Variants in CCDC178 observed in about 807,000 individuals in gnomAD.
CCDC178 encodes coiled-coil domain-containing protein 178.
In CCDC178, 126 loss-of-function variants were observed where a neutral mutation model predicts 117.4. The ratio of observed to expected loss-of-function variants is 1.07; its 90% CI spans 0.93 to 1.24. The LOEUF (loss-of-function observed/expected upper bound fraction) is 1.24. CCDC178 is among the 50% of genes most tolerant of loss of function. The pLI is 0.00. For synonymous variants in CCDC178, 283 were observed against 313.4 expected, an observed-to-expected ratio of 0.90 and a Z score of 1.02; for missense variants, 1,030 against 986.9, an observed-to-expected ratio of 1.04 and a Z score of -0.59.
intron 20 of CCDC178, among the ~76,000 whole-genome samples, chr18:33,118,472 C>T (rs2057889711): frequency 6.6e-6 from 1 of 151,940 alleles, no homozygotes; most frequent in East Asian, 1.9e-4. Flanking sequence ...TCTGCTGATC[C>T]AGAGGCCCAA....
intron 20 of CCDC178, among the ~76,000 whole-genome samples, chr18:33,159,519 T>C (rs1462803071): frequency 6.6e-6 from 1 of 152,146 alleles, no homozygotes; most frequent in East Asian, 1.9e-4. Context: ...TCTTGGCTAG[T>C]AGCCCCAAAT....
chr18:33,434,310 AATTT>A (rs2064260669), intron 2 of CCDC178, among the ~76,000 whole-genome samples: 1 of 152,180 alleles, frequency 6.6e-6, no homozygotes. Flanking sequence ...CAGCATTGGG[AATTT>A]ATTACAAAGA....
chr18:33,273,228 G>A (rs1366420563), intron 12 of CCDC178, among the ~76,000 whole-genome samples: 1 of 151,298 alleles, frequency 6.6e-6, no homozygotes, highest in Non-Finnish European at 1.5e-5. Context: ...ACAAACATTG[G>A]TGGTATTTCT....
At chr18:33,225,992 T>C (rs2059298887) in intron 16 of CCDC178, among the ~76,000 whole-genome samples, 1 of 151,986 alleles carries the variant, frequency 6.6e-6, no homozygotes, top group Non-Finnish European at 1.5e-5. Context: ...AGAAACCCTG[T>C]CTCTACTAAA....
chr18:33,261,114 C>T (rs1291871104), intron 14 of CCDC178, among the ~76,000 whole-genome samples: 1 of 151,330 alleles, frequency 6.6e-6, no homozygotes, highest in African/African-American at 2.4e-5. Context: ...GACACAGTCT[C>T]GCTCTGTCGC....
At chr18:33,123,520 A>T (rs931611467) in intron 20 of CCDC178, among the ~76,000 whole-genome samples, 2 of 152,130 alleles carry the variant, frequency 1.3e-5, no homozygotes, top group Non-Finnish European at 2.9e-5. Context: ...AATAACAGAA[A>T]AGAAATTAAA....
At chr18:33,110,173 C>T (rs1245637288) in intron 20 of CCDC178, among the ~76,000 whole-genome samples, 1 of 151,534 alleles carries the variant, frequency 6.6e-6, no homozygotes, top group East Asian at 1.9e-4. Flanking sequence ...ATTTCATATG[C>T]TTATCGGACA....
intron 21 of CCDC178, among the ~76,000 whole-genome samples, chr18:33,009,937 C>T (rs1018508378): frequency 3.3e-5 from 5 of 152,140 alleles, no homozygotes; most frequent in Admixed American, 6.6e-5. Context: ...AGTAATCTCT[C>T]TGAGACTCCA....
chr18:33,348,833 T>C (rs1384487868), intron 8 of CCDC178, 57 bp downstream of exon 8: 2 of 1,026,920 alleles, frequency 1.9e-6, no homozygotes, highest in East Asian at 2.4e-5. Flanking sequence ...ATATATTAAA[T>C]GAAGTCAATG....
At chr18:32,983,657 T>C (rs915537277) in intron 21 of CCDC178, among the ~76,000 whole-genome samples, 2 of 152,246 alleles carry the variant, frequency 1.3e-5, no homozygotes, top group South Asian at 4.1e-4. Flanking sequence ...ATAGCACAAA[T>C]ACATTCATTT....
At chr18:33,426,709 T>C (rs1220492044) in intron 2 of CCDC178, among the ~76,000 whole-genome samples, 1 of 152,228 alleles carries the variant, frequency 6.6e-6, no homozygotes, top group Non-Finnish European at 1.5e-5. Context: ...CAGTATCATA[T>C]TGCACTTACA....
At chr18:33,043,721 C>A (rs1190654378) in intron 21 of CCDC178, among the ~76,000 whole-genome samples, 2 of 151,866 alleles carry the variant, frequency 1.3e-5, no homozygotes, top group Admixed American at 1.3e-4. Flanking sequence ...GAGTTGTAAC[C>A]ATATTCATGG....
intron 9 of CCDC178, 39 bp downstream of exon 9, chr18:33,346,172 C>A (rs1264439242): frequency 6.9e-7 from 1 of 1,443,936 alleles, no homozygotes; most frequent in Non-Finnish European, 9.6e-7. Context: ...TCTGTGCCCC[C>A]AACAGAATAA....
intron 21 of CCDC178, among the ~76,000 whole-genome samples, chr18:32,998,854 A>T (rs2055571632): frequency 6.6e-6 from 1 of 152,102 alleles, no homozygotes; most frequent in South Asian, 2.1e-4. Context: ...TGAGATACCC[A>T]GGCCTTGGGT....
chr18:33,205,825 G>T (rs1385578754), intron 20 of CCDC178, among the ~76,000 whole-genome samples: 3 of 152,150 alleles, frequency 2.0e-5, no homozygotes, highest in African/African-American at 7.2e-5. Flanking sequence ...TTCCCAAATA[G>T]CTGGGACTAT....
At chr18:33,345,956 T>C (rs1353343618) in intron 9 of CCDC178, among the ~76,000 whole-genome samples, 1 of 151,984 alleles carries the variant, frequency 6.6e-6, no homozygotes, top group Non-Finnish European at 1.5e-5. Context: ...GCCTCCCAAG[T>C]AGTTGAGACT....
chr18:33,396,786 C>A (rs76148479), intron 4 of CCDC178, among the ~76,000 whole-genome samples: 1 of 152,000 alleles, frequency 6.6e-6, no homozygotes, highest in Non-Finnish European at 1.5e-5. Flanking sequence ...AAGAATTGTT[C>A]AGGAGAGTAC....
At chr18:33,154,898 C>T (rs2058377110) in intron 20 of CCDC178, among the ~76,000 whole-genome samples, 1 of 151,952 alleles carries the variant, frequency 6.6e-6, no homozygotes. Context: ...GGAGCAAAAG[C>T]CAACAGAACT....
rs368841568 is a variant in CCDC178 at position 33,438,653 on chromosome 18, T to C, written c.-23+1309A>G. On this transcript the variant is annotated intron_variant, in intron 2 of 22. Coordinates refer to ENST00000383096, the MANE Select transcript of CCDC178 (RefSeq NM_001105528.4). ...TGCAACCATCTGCTTGTAGATGTAC[T>C]AATTTTCCACCAGGTATATAACCCA... 1.8e-4 allele frequency among the ~76,000 whole-genome samples: 28 copies of C among 152,134 alleles called. No individual in the cohort carries two copies. In the East Asian group the frequency reaches 4.9e-3, roughly 26 times the overall value.
Sources: gnomAD v4.1 joint callset for allele counts (sites outside exome capture counted in the v4.1 genomes callset) on GRCh38, gnomAD v4.1.1 for gene constraint, MANE v1.5 for transcripts, NCBI Gene and HGNC (gene_info 2026-07-23, HGNC 2026-07-21) for gene names.